RYR2: variants seen among roughly 807,000 people sequenced by gnomAD.
RYR2 encodes cardiac muscle ryanodine receptor-calcium release channel.
A neutral mutation model predicts 601.1 loss-of-function variants in RYR2; 227 were observed. The observed-to-expected ratio is 0.38, with a 90% confidence interval of 0.34 to 0.42. The LOEUF (loss-of-function observed/expected upper bound fraction) is 0.42. RYR2 is among the 10% of genes least tolerant of loss of function. RYR2 has a pLI of 1.00. For synonymous variants in RYR2, 2,223 were observed against 2,175.1 expected (o/e 1.02, Z -0.61); for missense variants, 4,646 against 6,156.5 (o/e 0.75, Z 8.21).
At chr1:237,296,080 T>TAG (rs1368791060) in intron 2 of RYR2, among the ~76,000 whole-genome samples, 1 of 152,128 alleles carries the variant, frequency 6.6e-6, no homozygotes, top group African/African-American at 2.4e-5. Flanking sequence ...ATTGGATGCT[T>TAG]AGAGAGAGAA....
chr1:237,588,710 G>GT (rs1316736622), intron 29 of RYR2, among the ~76,000 whole-genome samples: 7 of 152,098 alleles, frequency 4.6e-5, no homozygotes, highest in Non-Finnish European at 1.0e-4. Context: ...GCGTGCACCT[G>GT]TAGTCTCAGC....
chr1:237,723,148 A>G lies in RYR2; in HGVS notation c.10575A>G (p.Arg3525=). The G allele has an allele frequency of 6.2e-7, 1 of 1,609,592 alleles. No homozygotes were observed. Among genetic ancestry groups the G allele is most frequent in the Non-Finnish European group, 8.5e-7 (1 of 1,178,476 alleles). ...TGCAGTTGGAGGATCCTGCTATTAG[A>G]TGGCAAATGGCTCTTTACAAAGACT... ...LQGKLEDPAI[R]WQMALYKDLP... The change falls in exon 74 of 105, where the codon AGA becomes AGG. Residue 3525 remains arginine, a synonymous_variant. Coordinates refer to ENST00000366574, the MANE Select transcript of RYR2 (RefSeq NM_001035.3).
chr1:237,325,294 C>T (rs1164793500), intron 2 of RYR2, among the ~76,000 whole-genome samples: 4 of 152,104 alleles, frequency 2.6e-5, no homozygotes, highest in Admixed American at 6.5e-5. Flanking sequence ...ATTTATATAG[C>T]GTGAACCCAT....
chr1:237,462,259 T>C (rs1389791891), intron 16 of RYR2, among the ~76,000 whole-genome samples: 8 of 152,198 alleles, frequency 5.3e-5, no homozygotes. Context: ...TTTTCTTCAG[T>C]GTGTCTATTT....
intron 27 of RYR2, among the ~76,000 whole-genome samples, chr1:237,555,840 G>C (rs371435159): frequency 6.6e-6 from 1 of 152,224 alleles, no homozygotes; most frequent in African/African-American, 2.4e-5. Context: ...TTCAAGGAAA[G>C]AGTTAATTAT....
chr1:237,719,543 G>A (rs959232861), intron 73 of RYR2, among the ~76,000 whole-genome samples: 2 of 152,132 alleles, frequency 1.3e-5, no homozygotes, highest in Non-Finnish European at 2.9e-5. Context: ...GAGCAGTGAG[G>A]AGGGAGGTGC....
At chr1:237,165,773 G>A (rs553687811) in intron 1 of RYR2, among the ~76,000 whole-genome samples, 19 of 151,914 alleles carry the variant, frequency 1.3e-4, no homozygotes, top group Admixed American at 3.3e-4. Flanking sequence ...AGGCTGAGGC[G>A]GGAGGATCAC....
intron 1 of RYR2, among the ~76,000 whole-genome samples, chr1:237,164,803 T>C (rs1676473649): frequency 6.6e-6 from 1 of 152,184 alleles, no homozygotes; most frequent in Non-Finnish European, 1.5e-5. Flanking sequence ...CATATCTTTA[T>C]TTTCAGTTTT....
At chr1:237,488,035 G>A (rs1187550839) in intron 17 of RYR2, among the ~76,000 whole-genome samples, 1 of 151,918 alleles carries the variant, frequency 6.6e-6, no homozygotes, top group East Asian at 1.9e-4. Flanking sequence ...AGCCATTTTT[G>A]CACTTTGTGA....
chr1:237,042,883 G>T (rs1435397450), intron 1 of RYR2, among the ~76,000 whole-genome samples: 1 of 152,160 alleles, frequency 6.6e-6, no homozygotes, highest in Admixed American at 6.5e-5. Flanking sequence ...AACCGGGAGA[G>T]GAGGGGACGG....
intron 10 of RYR2, among the ~76,000 whole-genome samples, chr1:237,415,641 T>C (rs1012681578): frequency 1.3e-5 from 2 of 152,152 alleles, no homozygotes; most frequent in Non-Finnish European, 2.9e-5. Context: ...CCAGGACATA[T>C]GGTACAGACT....
At chr1:237,350,094 TA>T (rs760638661) in intron 3 of RYR2, among the ~76,000 whole-genome samples, 6 of 152,092 alleles carry the variant, frequency 3.9e-5, no homozygotes, top group Non-Finnish European at 5.9e-5. Context: ...AGAATAAAAC[TA>T]AATGTTAATT....
At position 237,687,363 on chromosome 1, in the gene RYR2, C is replaced by CTTTT. The variant is rs200738727; in HGVS notation, c.9018-90_9018-89insTTTT. 1.1e-4 allele frequency: 52 copies of CTTTT among 452,820 alleles called. 1 individual carries two copies. The highest frequency in any genetic ancestry group is 2.3e-4 in the South Asian group (8 of 34,158). The allele number at this position is 452,820 out of a possible 1,614,324, so 28.1% of individuals were successfully genotyped here. On this transcript the variant is annotated intron_variant, in intron 62 of 104. Transcript: ENST00000366574. ...CAGCTGTTTTTTTTTCTTTTTTCTT[C>CTTTT]TTCTTTTTTTTTTTTTTTTTTAATT...
intron 79 of RYR2, among the ~76,000 whole-genome samples, chr1:237,738,334 A>C (rs1691321171): frequency 1.3e-5 from 2 of 152,106 alleles, no homozygotes; most frequent in African/African-American, 4.8e-5. Context: ...TCTACTTTTA[A>C]AGTTACTTAG....
chr1:237,540,965 T>C (rs1031101393), intron 25 of RYR2, among the ~76,000 whole-genome samples: 1 of 152,076 alleles, frequency 6.6e-6, no homozygotes, highest in African/African-American at 2.4e-5. Context: ...AAAATGACTT[T>C]CTGAAATGAA....
At chr1:237,754,167 T>C (rs1245801847) in intron 80 of RYR2, among the ~76,000 whole-genome samples, 4 of 148,052 alleles carry the variant, frequency 2.7e-5, no homozygotes, top group Non-Finnish European at 6.0e-5. Flanking sequence ...TTTTTTTTTT[T>C]CAAATGACTT....
At chr1:237,530,560 G>A in intron 25 of RYR2, 50 bp downstream of exon 25, 2 of 1,315,570 alleles carry the variant, frequency 1.5e-6, no homozygotes, top group Non-Finnish European at 2.2e-6. Context: ...GAGATTTAGT[G>A]CAACCAAATA....
chr1:237,525,126 C>T (rs1667443178), intron 24 of RYR2, among the ~76,000 whole-genome samples: 1 of 152,166 alleles, frequency 6.6e-6, no homozygotes, highest in Admixed American at 6.5e-5. Context: ...CCCTCCTGCT[C>T]TCCTTGCTTT....
intron 2 of RYR2, among the ~76,000 whole-genome samples, chr1:237,308,476 CTGGATT>C (rs1345357879): frequency 6.6e-6 from 1 of 152,190 alleles, no homozygotes; most frequent in Non-Finnish European, 1.5e-5. Context: ...TCCCTTGGAT[CTGGATT>C]TGTGTCTGGA....
Sources: allele counts gnomAD v4.1 joint callset (sites outside exome capture counted in the v4.1 genomes callset), GRCh38; gene constraint gnomAD v4.1.1; transcripts MANE v1.5; gene names NCBI Gene and HGNC (gene_info 2026-07-23, HGNC 2026-07-21).